The following PPP2R2C variants were observed in gnomAD, a reference collection of about 807,000 sequenced individuals.
The protein encoded by PPP2R2C is protein phosphatase 2, regulatory subunit B, gamma.
Under a neutral mutation model 45.3 loss-of-function variants are expected in PPP2R2C, and 10 were observed. The ratio of observed to expected loss-of-function variants is 0.22; its 90% CI spans 0.14 to 0.37. The LOEUF is 0.37. PPP2R2C is among the 10% of genes least tolerant of loss of function. The pLI is 1.00. For synonymous variants in PPP2R2C, 257 were observed against 245.4 expected, an observed-to-expected ratio of 1.05 and a Z score of -0.44; for missense variants, 308 against 619.7, an observed-to-expected ratio of 0.50 and a Z score of 5.34.
intron 1 of PPP2R2C, chr4:6,383,784 A>G (rs561063730): frequency 9.9e-7 from 1 of 1,012,078 alleles, no homozygotes; most frequent in Non-Finnish European, 1.2e-6. Flanking sequence ...GGCTTAATTC[A>G]CGGCTTCAAA....
upstream of PPP2R2C, among the ~76,000 whole-genome samples, chr4:6,476,592 G>C (rs1722150908): frequency 6.6e-6 from 1 of 152,152 alleles, no homozygotes; most frequent in South Asian, 2.1e-4. Flanking sequence ...CCATTACTGT[G>C]AAAAATAGAT....
At chr4:6,380,947 G>A in intron 2 of PPP2R2C, 50 bp downstream of exon 2, 1 of 1,431,174 alleles carries the variant, frequency 7.0e-7, no homozygotes, top group South Asian at 1.5e-5. Context: ...CCTCCCACCT[G>A]ACTCTGCTCC....
chr4:6,458,418 C>T (rs1352228526), intron 1 of PPP2R2C, among the ~76,000 whole-genome samples: 4 of 152,168 alleles, frequency 2.6e-5, no homozygotes, highest in Non-Finnish European at 2.9e-5. Context: ...CTTCTCGCTG[C>T]GTCCTCACAT....
At chr4:6,468,755 T>C (rs1721711058) in intron 1 of PPP2R2C, among the ~76,000 whole-genome samples, 1 of 152,098 alleles carries the variant, frequency 6.6e-6, no homozygotes, top group Admixed American at 6.5e-5. Flanking sequence ...TTCAGTCTAG[T>C]CTGGAAGTGC....
intron 1 of PPP2R2C, among the ~76,000 whole-genome samples, chr4:6,445,680 C>T (rs977242008): frequency 2.0e-5 from 3 of 152,316 alleles, no homozygotes; most frequent in East Asian, 3.9e-4. Context: ...GATGGCACCA[C>T]GGTACTCTAG....
intron 1 of PPP2R2C, among the ~76,000 whole-genome samples, chr4:6,388,118 T>A (rs1396408863): frequency 6.6e-6 from 1 of 152,172 alleles, no homozygotes; most frequent in Non-Finnish European, 1.5e-5. Flanking sequence ...GAGAAGCCCA[T>A]GGAAACTCAT....
intron 5 of PPP2R2C, among the ~76,000 whole-genome samples, chr4:6,355,979 T>G (rs1577100893): frequency 5.2e-5 from 6 of 114,534 alleles, no homozygotes; most frequent in South Asian, 2.9e-4. Context: ...GGTGACAGAG[T>G]GAGACTCTGC....
chr4:6,497,543 C>A (rs1198126642), intron 2 of PPP2R2C, among the ~76,000 whole-genome samples: 15 of 152,072 alleles, frequency 9.9e-5, no homozygotes, highest in Admixed American at 9.8e-4. Flanking sequence ...AAAGATTTAA[C>A]CATGAAAAGC....
At position 6,348,951 on chromosome 4, in the gene PPP2R2C, T is replaced by A. The variant is rs182312618; in HGVS notation, c.626-941A>T. 23 of 937,858 alleles carry A rather than the reference T, an allele frequency of 2.5e-5. No homozygotes were observed. In the Admixed American group the frequency reaches 1.2e-3, roughly 50 times the overall value. The allele number at this position is 937,858 out of a possible 1,614,324, so 58.1% of individuals were successfully genotyped here. The stretch of plus-strand genomic sequence containing the variant: ...CTGTTACACTAGAGCACAGAGAAGA[T>A]GAGCAACTCGTCCGGGGTGGCCCAG... On this transcript the variant is annotated intron_variant, in intron 5 of 8. Transcript: ENST00000382599.
At chr4:6,348,668 C>T in intron 5 of PPP2R2C, 2 of 985,382 alleles carry the variant, frequency 2.0e-6, no homozygotes, top group South Asian at 9.4e-5. Context: ...TGGGATGCAG[C>T]TTGGTCACCC....
At chr4:6,530,915 C>T (rs1724375559) in intron 2 of PPP2R2C, among the ~76,000 whole-genome samples, 1 of 152,184 alleles carries the variant, frequency 6.6e-6, no homozygotes, top group South Asian at 2.1e-4. Context: ...AGTGAGGCCC[C>T]AAATGTTGAC....
At chr4:6,363,487 G>T (rs1239879470) in intron 5 of PPP2R2C, among the ~76,000 whole-genome samples, 1 of 152,052 alleles carries the variant, frequency 6.6e-6, no homozygotes, top group African/African-American at 2.4e-5. Flanking sequence ...GCTGAGGCAG[G>T]AGAATGGCGT....
At chr4:6,539,599 G>A (rs56298595) in intron 1 of PPP2R2C, among the ~76,000 whole-genome samples, 31,069 of 152,020 alleles carry the variant, frequency 0.2, 3,260 homozygotes, top group Non-Finnish European at 0.23. Context: ...AAAAATAAAG[G>A]ATAAAAAATC....
At chr4:6,508,671 T>C (rs1274433162) in intron 2 of PPP2R2C, among the ~76,000 whole-genome samples, 1 of 151,606 alleles carries the variant, frequency 6.6e-6, no homozygotes. Flanking sequence ...GTTGGGCGAG[T>C]GGGCTCAAAC....
At chr4:6,428,962 G>C (rs1021632704) in intron 1 of PPP2R2C, among the ~76,000 whole-genome samples, 4 of 152,198 alleles carry the variant, frequency 2.6e-5, no homozygotes, top group Admixed American at 1.3e-4. Flanking sequence ...TCTATACCAA[G>C]GGTCAGCAAA....
At chr4:6,519,661 G>A (rs1339790623) in intron 2 of PPP2R2C, among the ~76,000 whole-genome samples, 1 of 152,218 alleles carries the variant, frequency 6.6e-6, no homozygotes, top group Admixed American at 6.5e-5. Flanking sequence ...GGCACTTAAT[G>A]ATATTCATTA....
At chr4:6,525,925 A>C (rs1043466913) in intron 2 of PPP2R2C, among the ~76,000 whole-genome samples, 32 of 152,120 alleles carry the variant, frequency 2.1e-4, no homozygotes, top group Middle Eastern at 3.4e-3. Context: ...GCTGGTCTCG[A>C]ACTCCTGACC....
At chr4:6,388,276 C>A (rs1165400335) in intron 1 of PPP2R2C, among the ~76,000 whole-genome samples, 1 of 152,110 alleles carries the variant, frequency 6.6e-6, no homozygotes, top group African/African-American at 2.4e-5. Flanking sequence ...CAATGGGTGC[C>A]CAGAGAGGTG....
At chr4:6,326,273 G>A (rs908714251) in intron 8 of PPP2R2C, among the ~76,000 whole-genome samples, 6 of 152,152 alleles carry the variant, frequency 3.9e-5, no homozygotes, top group East Asian at 3.9e-4. Flanking sequence ...AGGGAGGAGC[G>A]GAGATGGGGA....
Sources: gnomAD v4.1 joint callset for allele counts (sites outside exome capture counted in the v4.1 genomes callset) on GRCh38, gnomAD v4.1.1 for gene constraint, MANE v1.5 for transcripts, NCBI Gene and HGNC (gene_info 2026-07-23, HGNC 2026-07-21) for gene names.